Variants in IRAK3 observed in about 807,000 individuals in gnomAD.
IRAK3 encodes the protein interleukin 1 receptor associated kinase 3.
In IRAK3, 57 loss-of-function variants were observed where a neutral mutation model predicts 56.6. The observed-to-expected ratio is 1.01, with a 90% CI of 0.81 to 1.26. The LOEUF is 1.26. Among genes scored for constraint, IRAK3 ranks in the 50% most tolerant of loss-of-function variants. The probability of loss-of-function intolerance (pLI) is 0.00; values close to 1 mark genes in which losing one functional copy is unlikely to be tolerated. For missense variants in IRAK3, 703 were observed against 719.0 expected (o/e 0.98, Z 0.25); for synonymous variants, 258 against 255.7 (o/e 1.01, Z -0.09).
At chr12:66,222,169 A>G (rs961164980) in intron 6 of IRAK3, among the ~76,000 whole-genome samples, 1 of 152,210 alleles carries the variant, frequency 6.6e-6, no homozygotes, top group Non-Finnish European at 1.5e-5. Flanking sequence ...CTTTGATATG[A>G]GGGTAATGCT....
chr12:66,239,536 A>G (rs1375302071), intron 8 of IRAK3, among the ~76,000 whole-genome samples: 2 of 152,204 alleles, frequency 1.3e-5, no homozygotes, highest in Non-Finnish European at 2.9e-5. Context: ...AGGCATGTCA[A>G]AGCCTACAGG....
At chr12:66,243,159 A>C (rs1301411346) in intron 8 of IRAK3, among the ~76,000 whole-genome samples, 1 of 152,078 alleles carries the variant, frequency 6.6e-6, no homozygotes, top group East Asian at 1.9e-4. Flanking sequence ...TTAAGGCCTT[A>C]GCTTCATACA....
At chr12:66,225,747 A>G (rs1238671502) in intron 6 of IRAK3, among the ~76,000 whole-genome samples, 1 of 142,564 alleles carries the variant, frequency 7.0e-6, no homozygotes, top group Non-Finnish European at 1.5e-5. Context: ...AATTATTAGG[A>G]AAAAAAAAAG....
At chr12:66,217,913 A>G (rs2052694459) in intron 6 of IRAK3, among the ~76,000 whole-genome samples, 1 of 152,220 alleles carries the variant, frequency 6.6e-6, no homozygotes, top group Non-Finnish European at 1.5e-5. Flanking sequence ...TGAAGACCAG[A>G]AATCAAAATA....
intron 8 of IRAK3, among the ~76,000 whole-genome samples, chr12:66,237,464 T>A (rs2052920457): frequency 6.6e-6 from 1 of 152,248 alleles, no homozygotes; most frequent in Admixed American, 6.5e-5. Context: ...AAAGCTCATT[T>A]CATTTCTCTT....
chr12:66,234,063 C>A (rs1480474754), intron 8 of IRAK3: 48 of 1,613,556 alleles, frequency 3.0e-5, no homozygotes, highest in Non-Finnish European at 4.0e-5. Context: ...CCTTTCTGTA[C>A]ATCTCACAGT....
In IRAK3 at chr12:66,209,605, A is replaced by C; in HGVS notation, c.381+85A>C. 4.5e-6 allele frequency: 4 copies of C among 895,154 alleles called. 1 individual carries two copies. In the South Asian group the frequency reaches 5.3e-5, roughly 12 times the overall value. 55.5% of individuals were successfully genotyped at this position (895,154 alleles called of 1,614,324 possible). A position where few individuals can be genotyped will look rare whatever the true frequency, so the allele number is the denominator to read the frequency against. On this transcript the variant is annotated intron_variant, in intron 3 of 11. Transcript: ENST00000261233. The stretch of plus-strand genomic sequence containing the variant: ...AAGGAATGAAATTAGCAGGCAGAAA[A>C]ATGCTGGATTTGCCGGCACTTTTTA...
At position 66,250,709 on chromosome 12, in the gene IRAK3, C is replaced by T. The variant is rs940995245; in HGVS notation, c.*2538C>T. ...TAACACCAGGCCCATGCAGTTACTC[C>T]GCACATATAATCTGTGGGTATTATG... On this transcript the variant is annotated 3_prime_UTR_variant, in exon 12 of 12. Transcript: ENST00000261233. 1.3e-5 allele frequency: 2 copies of T among 152,208 alleles called. No individual in the cohort carries two copies. Among genetic ancestry groups the T allele is most frequent in the African/African-American group, 2.4e-5 (1 of 41,438 alleles). The allele number at this position is 152,208 out of a possible 1,614,324, so 9.4% of individuals were successfully genotyped here.
At chr12:66,220,526 T>C (rs1273431294) in intron 6 of IRAK3, among the ~76,000 whole-genome samples, 6 of 131,898 alleles carry the variant, frequency 4.5e-5, no homozygotes, top group South Asian at 2.6e-4. Context: ...TTTTTTTTTT[T>C]TTTTTTTTTT....
At chr12:66,208,946 A>G (rs2052585073) in intron 2 of IRAK3, among the ~76,000 whole-genome samples, 1 of 151,944 alleles carries the variant, frequency 6.6e-6, no homozygotes, top group Non-Finnish European at 1.5e-5. Context: ...AGGTGCCTGT[A>G]ATCCTGGCTA....
At position 66,252,770 on chromosome 12, in the gene IRAK3, T is replaced by G. The variant is rs1224211856; in HGVS notation, c.*4599T>G. ...GAGAGGTTTTCTCCTTGTCCTGTTG[T>G]GTAACTGATAATCCCATGGTGGACC... On this transcript the variant is annotated 3_prime_UTR_variant, in exon 12 of 12. Coordinates refer to ENST00000261233, the MANE Select transcript of IRAK3 (RefSeq NM_007199.3). 1 of 152,252 alleles carries G rather than the reference T, an allele frequency of 6.6e-6. No individual in the cohort carries two copies. The highest frequency in any genetic ancestry group is 1.5e-5 in the Non-Finnish European group (1 of 68,060). The allele number at this position is 152,252 out of a possible 1,614,324, so 9.4% of individuals were successfully genotyped here.
At chr12:66,214,003 G>T (rs2136927108) in intron 5 of IRAK3, among the ~76,000 whole-genome samples, 1 of 152,266 alleles carries the variant, frequency 6.6e-6, no homozygotes, top group East Asian at 1.9e-4. Context: ...GAGACCTGGA[G>T]GTGTGTGTAT....
chr12:66,226,956 A>G (rs1408572337), intron 7 of IRAK3, 119 bp downstream of exon 7: 3 of 718,310 alleles, frequency 4.2e-6, no homozygotes, highest in East Asian at 5.4e-5. Context: ...AAAGCCAAGA[A>G]TGGGTTTCCC....
At chr12:66,205,383 A>G (rs570217755) in intron 2 of IRAK3, among the ~76,000 whole-genome samples, 1 of 152,346 alleles carries the variant, frequency 6.6e-6, no homozygotes, top group African/African-American at 2.4e-5. Flanking sequence ...ACAAAGAGAT[A>G]GGTAAATCTG....
intron 8 of IRAK3, chr12:66,235,089 G>T: frequency 6.2e-7 from 1 of 1,613,528 alleles, no homozygotes; most frequent in Non-Finnish European, 8.5e-7. Flanking sequence ...TGGGGAGGCA[G>T]TCCTCGGATA....
intron 8 of IRAK3, among the ~76,000 whole-genome samples, chr12:66,231,444 T>C (rs1360039798): frequency 1.3e-5 from 2 of 152,236 alleles, no homozygotes; most frequent in East Asian, 1.9e-4. Flanking sequence ...CAGAGCATTG[T>C]GTTAGACCAC....
Position 66,249,332 on chromosome 12 carries a change from A to AT in IRAK3, c.*1167dup, listed in dbSNP as rs1299268409. On this transcript the variant is annotated 3_prime_UTR_variant, in exon 12 of 12. Coordinates refer to ENST00000261233, the MANE Select transcript of IRAK3 (RefSeq NM_007199.3). ...AGGCGCCCGCCACTACGCCCGGCTAATTTTTTGTATTTTTAGTAGAGACGG... is the reference window on the plus strand; with the variant it reads ...AGGCGCCCGCCACTACGCCCGGCTAATTTTTTTGTATTTTTAGTAGAGACGG... 2 of 151,888 alleles carry AT rather than the reference A, an allele frequency of 1.3e-5. No individual in the cohort carries two copies. Among genetic ancestry groups the AT allele is most frequent in the Non-Finnish European group, 1.5e-5 (1 of 67,998 alleles). 9.4% of individuals were successfully genotyped at this position (151,888 alleles called of 1,614,324 possible).
intron 1 of IRAK3, among the ~76,000 whole-genome samples, chr12:66,199,376 A>G (rs1316504929): frequency 6.6e-6 from 1 of 152,160 alleles, no homozygotes; most frequent in African/African-American, 2.4e-5. Flanking sequence ...GGCCCACGGG[A>G]ATGCTCTGTT....
In IRAK3 at chr12:66,189,475, C is replaced by A. The variant is rs576193411; in HGVS notation, c.133+43C>A. On this transcript the variant is annotated intron_variant, in intron 1 of 11. Coordinates refer to ENST00000261233, the MANE Select transcript of IRAK3 (RefSeq NM_007199.3). ...GGCCGGGGGCGGCGGGGGAGCCCAG[C>A]GCGCCGCGGGGCCCGCTCGGCGTCG... 5.8e-4 allele frequency: 659 copies of A among 1,136,166 alleles called. 2 individuals carry two copies. In the African/African-American group the frequency reaches 0.01, roughly 17 times the overall value. The allele number at this position is 1,136,166 out of a possible 1,614,324, so 70.4% of individuals were successfully genotyped here.
Sources: allele counts gnomAD v4.1 joint callset (sites outside exome capture counted in the v4.1 genomes callset), GRCh38; gene constraint gnomAD v4.1.1; transcripts MANE v1.5; gene names NCBI Gene and HGNC (gene_info 2026-07-23, HGNC 2026-07-21).